The following FBXO25 variants were observed in gnomAD, a reference collection of about 807,000 sequenced individuals.
FBXO25 encodes the protein F-box protein 25, also known as F-box only protein 25.
In FBXO25, 45 loss-of-function variants were observed where a neutral mutation model predicts 51.9. That is an observed-to-expected ratio of 0.87 (90% CI 0.68 to 1.11). The LOEUF (loss-of-function observed/expected upper bound fraction) is 1.11. Among genes scored for constraint, FBXO25 ranks in the 50% most tolerant of loss-of-function variants. The pLI, the probability that FBXO25 is intolerant of heterozygous loss-of-function variation, is 0.00. For missense variants in FBXO25, 507 were observed against 428.5 expected, an observed-to-expected ratio of 1.18 and a Z score of -1.62; for synonymous variants, 199 against 151.0, an observed-to-expected ratio of 1.32 and a Z score of -2.33.
intron 2 of FBXO25, among the ~76,000 whole-genome samples, chr8:418,246 TTAAC>T (rs1485641578): frequency 2.0e-5 from 3 of 152,170 alleles, no homozygotes; most frequent in South Asian, 2.1e-4. Context: ...TGTAATTACT[TTAAC>T]TAGTTTGGTG....
chr8:416,624 T>G (rs1796819201), intron 2 of FBXO25, among the ~76,000 whole-genome samples: 1 of 152,178 alleles, frequency 6.6e-6, no homozygotes, highest in African/African-American at 2.4e-5. Flanking sequence ...AAGGGTTTCC[T>G]TGGAAATGGA....
chr8:439,964 AT>A (rs552998125), intron 5 of FBXO25, among the ~76,000 whole-genome samples: 29 of 152,052 alleles, frequency 1.9e-4, no homozygotes, highest in Admixed American at 1.2e-3. Context: ...CTATATGAAG[AT>A]TTTTTTTCAA....
At chr8:438,856 GTCAGCAGCAT>G (rs1362058056) in intron 5 of FBXO25, among the ~76,000 whole-genome samples, 9 of 152,196 alleles carry the variant, frequency 5.9e-5, no homozygotes, top group African/African-American at 2.2e-4. Flanking sequence ...CCCCCATCAT[GTCAGCAGCAT>G]TCCCTGGCCC....
At position 474,853 on chromosome 8, in the gene FBXO25, G is replaced by C. The variant is rs1326408858; in HGVS notation, c.*6049G>C. 2.2e-6 allele frequency: 1 copy of C among 453,458 alleles called. No individual in the cohort carries two copies. Among genetic ancestry groups the C allele is most frequent in the Admixed American group, 2.4e-5 (1 of 41,926 alleles). 28.1% of individuals were successfully genotyped at this position (453,458 alleles called of 1,614,324 possible). A position where few individuals can be genotyped will look rare whatever the true frequency, so the allele number is the denominator to read the frequency against. On this transcript the variant is annotated 3_prime_UTR_variant, in exon 10 of 10. Coordinates refer to ENST00000350302, the MANE Select transcript of FBXO25 (RefSeq NM_183420.2). Reference sequence around the variant, plus strand: ...AGTTGTTTCTTTCTTTTAGTTACCTGTGTGTGCCTCTGGTGTCATATCTAA... The same window carrying C: ...AGTTGTTTCTTTCTTTTAGTTACCTCTGTGTGCCTCTGGTGTCATATCTAA...
chr8:452,334 T>C (rs1218531259), intron 7 of FBXO25, among the ~76,000 whole-genome samples: 1 of 152,242 alleles, frequency 6.6e-6, no homozygotes, highest in Admixed American at 6.5e-5. Context: ...TTGGATTCTT[T>C]GTTCTGTTGT....
At position 474,981 on chromosome 8, in the gene FBXO25, G is replaced by A. The variant is rs1261179283; in HGVS notation, c.*6177G>A. ...TTTTGTTCTTTGATGTACAGAAGTT[G>A]TTTCTTTCTTTTAGTTACCTGTGTG... On this transcript the variant is annotated 3_prime_UTR_variant, in exon 10 of 10. Coordinates refer to ENST00000350302, the MANE Select transcript of FBXO25 (RefSeq NM_183420.2). The A allele has an allele frequency of 2.0e-5, 8 of 398,946 alleles. No homozygotes were observed. The East Asian group carries it at 4.9e-4, about 25-fold the overall frequency. The allele number at this position is 398,946 out of a possible 1,614,324, so 24.7% of individuals were successfully genotyped here.
intron 5 of FBXO25, among the ~76,000 whole-genome samples, chr8:444,493 A>G (rs994103630): frequency 2.0e-5 from 3 of 152,186 alleles, no homozygotes; most frequent in African/African-American, 7.2e-5. Flanking sequence ...TAATTCTTTG[A>G]AATGATTAAG....
chr8:454,522 G>A (rs1178238260), intron 7 of FBXO25, among the ~76,000 whole-genome samples: 2 of 152,188 alleles, frequency 1.3e-5, no homozygotes, highest in African/African-American at 4.8e-5. Flanking sequence ...AGAACTCAGT[G>A]GGGTGTTATA....
Position 419,716 on chromosome 8 carries a change from A to G in FBXO25, c.134+6503A>G, listed in dbSNP as rs111255991. On this transcript the variant is annotated intron_variant, in intron 2 of 9. Coordinates refer to ENST00000350302, the MANE Select transcript of FBXO25 (RefSeq NM_183420.2). The stretch of plus-strand genomic sequence containing the variant: ...TGTAAAACTGTAGAACTTATGGAAG[A>G]AACCCAAAGGAAAGTCTGCATGATC... Among the ~76,000 whole-genome samples the G allele has an allele frequency of 1.0e-3, 154 of 152,332 alleles. 1 individual carries two copies. Among genetic ancestry groups the G allele is most frequent in the African/African-American group, 3.3e-3 (137 of 41,584 alleles).
chr8:455,855 A>C (rs1799392309), intron 7 of FBXO25, among the ~76,000 whole-genome samples: 1 of 152,222 alleles, frequency 6.6e-6, no homozygotes, highest in African/African-American at 2.4e-5. Context: ...GCCTTGTCAC[A>C]TTTCGAGATT....
chr8:456,164 G>T (rs1288948453), intron 7 of FBXO25, among the ~76,000 whole-genome samples: 3 of 152,212 alleles, frequency 2.0e-5, no homozygotes, highest in Non-Finnish European at 4.4e-5. Context: ...GAGAGTGTTA[G>T]ACTTTTAGTT....
At position 463,609 on chromosome 8, in the gene FBXO25, T is replaced by C. The variant is rs540197327; in HGVS notation, c.987+459T>C. Reference sequence around the variant, plus strand: ...TTAGGCTTCATTTCTCAAAGCCACATTCTTAGAAAAAAAGTGTCCATAGAG... The same window carrying C: ...TTAGGCTTCATTTCTCAAAGCCACACTCTTAGAAAAAAAGTGTCCATAGAG... On this transcript the variant is annotated intron_variant, in intron 9 of 9. Transcript: ENST00000350302. Among the ~76,000 whole-genome samples, 106 of 152,358 alleles carry C rather than the reference T, an allele frequency of 7.0e-4. 2 individuals carry two copies. The South Asian group carries it at 0.021, about 31-fold the overall frequency.
At chr8:432,121 C>T (rs1369164432) in intron 3 of FBXO25, among the ~76,000 whole-genome samples, 2 of 152,148 alleles carry the variant, frequency 1.3e-5, no homozygotes, top group Non-Finnish European at 2.9e-5. Context: ...CATCACTGCT[C>T]TTGCACTTTG....
chr8:477,900 T>G lies in FBXO25; in HGVS notation c.*9096T>G, dbSNP rs910788571. ...GGTGGGCCCAATTTTGGCCTGTATT[T>G]CACTTGCCAACCTGATTTATACTTT... On this transcript the variant is annotated 3_prime_UTR_variant, in exon 10 of 10. Coordinates refer to ENST00000350302, the MANE Select transcript of FBXO25 (RefSeq NM_183420.2). The G allele has an allele frequency of 2.6e-5, 4 of 152,214 alleles. No homozygotes were observed. Among genetic ancestry groups the G allele is most frequent in the African/African-American group, 9.6e-5 (4 of 41,460 alleles). 9.4% of individuals were successfully genotyped at this position (152,214 alleles called of 1,614,324 possible).
At chr8:437,366 G>T (rs1349907839) in intron 5 of FBXO25, among the ~76,000 whole-genome samples, 1 of 152,188 alleles carries the variant, frequency 6.6e-6, no homozygotes, top group African/African-American at 2.4e-5. Flanking sequence ...GAAGCAAAAG[G>T]GCTGCAGTGT....
In FBXO25 at chr8:471,774, G is replaced by C. The variant is rs540340726; in HGVS notation, c.*2970G>C. ...GCCATGCAGTAGCCTCTCAGGAGCA[G>C]ACCGATTTGTAGCTGTCGTGGTTTA... On this transcript the variant is annotated 3_prime_UTR_variant, in exon 10 of 10. Transcript: ENST00000350302. The C allele has an allele frequency of 2.0e-5, 3 of 152,362 alleles. No individual in the cohort carries two copies. In the East Asian group the frequency reaches 5.8e-4, roughly 29 times the overall value. 9.4% of individuals were successfully genotyped at this position (152,362 alleles called of 1,614,324 possible).
In FBXO25 at chr8:422,943, T is replaced by G. The variant is rs920088395; in HGVS notation, c.135-8398T>G. Among the ~76,000 whole-genome samples the G allele has an allele frequency of 1.1e-4, 16 of 152,150 alleles. 1 individual carries two copies. The highest frequency in any genetic ancestry group is 3.9e-4 in the African/African-American group (16 of 41,436). On this transcript the variant is annotated intron_variant, in intron 2 of 9. Coordinates refer to ENST00000350302, the MANE Select transcript of FBXO25 (RefSeq NM_183420.2). ...CTGTACTTAAAAGTCTATTCTGCTG[T>G]ATATGAATTATGCCTCAGGAGAGAG...
At chr8:460,895 T>C (rs1008270379) in intron 8 of FBXO25, among the ~76,000 whole-genome samples, 4 of 152,240 alleles carry the variant, frequency 2.6e-5, no homozygotes, top group African/African-American at 9.6e-5. Context: ...TCCACGATAA[T>C]TTCCAGAGTC....
At chr8:418,948 A>G (rs1796983511) in intron 2 of FBXO25, among the ~76,000 whole-genome samples, 1 of 152,204 alleles carries the variant, frequency 6.6e-6, no homozygotes, top group Admixed American at 6.5e-5. Flanking sequence ...TTAAGAAGAA[A>G]ACAGTATTTT....
Sources: gnomAD v4.1 joint callset for allele counts (sites outside exome capture counted in the v4.1 genomes callset) on GRCh38, gnomAD v4.1.1 for gene constraint, MANE v1.5 for transcripts, NCBI Gene and HGNC (gene_info 2026-07-23, HGNC 2026-07-21) for gene names.